TENM3: variants seen among roughly 807,000 people sequenced by gnomAD.
TENM3 encodes teneurin-3.
A neutral mutation model predicts 255.1 loss-of-function variants in TENM3; 63 were observed. The ratio of observed to expected loss-of-function variants is 0.25; its 90% CI spans 0.20 to 0.30. The LOEUF (loss-of-function observed/expected upper bound fraction) is 0.30, where lower values mean the gene tolerates loss of function less well. TENM3 is among the 10% of genes least tolerant of loss of function. The pLI is 1.00. For missense variants in TENM3, 2,929 were observed against 3,461.1 expected (o/e 0.85, Z 3.86); for synonymous variants, 1,306 against 1,322.3 (o/e 0.99, Z 0.27).
At chr4:182,299,029 T>C (rs1252761314) in intron 1 of TENM3, among the ~76,000 whole-genome samples, 1 of 85,830 alleles carries the variant, frequency 1.2e-5, no homozygotes, top group Middle Eastern at 7.5e-3. Context: ...GGTAATGGAC[T>C]GGCCACTGCA....
At chr4:181,454,546 G>A in the TENM3 span, among the ~76,000 whole-genome samples, 2 of 148,076 alleles carry the variant, frequency 1.4e-5, no homozygotes. Flanking sequence ...CCACAGCAAC[G>A]TCCAGTACTG....
intron 3 of TENM3, among the ~76,000 whole-genome samples, chr4:182,521,533 G>C (rs1291952016): frequency 6.6e-6 from 1 of 152,164 alleles, no homozygotes; most frequent in Non-Finnish European, 1.5e-5. Context: ...TCTCCAGCAG[G>C]GAGATAAATG....
At chr4:181,854,471 A>G in the TENM3 span, among the ~76,000 whole-genome samples, 1 of 152,046 alleles carries the variant, frequency 6.6e-6, no homozygotes, top group Non-Finnish European at 1.5e-5. Flanking sequence ...CTTTCCCTAG[A>G]CACAGAGTTT....
chr4:181,949,271 G>T, the TENM3 span, among the ~76,000 whole-genome samples: 7 of 152,208 alleles, frequency 4.6e-5, 1 homozygote, highest in African/African-American at 1.7e-4. Flanking sequence ...AGACAGTAGA[G>T]GTACTCTGTC....
the TENM3 span, chr4:181,821,675 C>T: frequency 3.3e-5 from 5 of 152,220 alleles, no homozygotes; most frequent in South Asian, 2.1e-4. Context: ...TTATAGAAAA[C>T]GGCAATGAGA....
At chr4:182,753,070 C>T (rs1386357875) in intron 20 of TENM3, among the ~76,000 whole-genome samples, 1 of 151,806 alleles carries the variant, frequency 6.6e-6, no homozygotes, top group Non-Finnish European at 1.5e-5. Flanking sequence ...CCTCAGCCTC[C>T]CGAATAGCTG....
At chr4:181,811,125 G>A in the TENM3 span, among the ~76,000 whole-genome samples, 5 of 152,154 alleles carry the variant, frequency 3.3e-5, no homozygotes, top group Middle Eastern at 3.2e-3. Context: ...CAAGCCAAGT[G>A]TCCTTCCTAT....
At chr4:182,413,850 A>C (rs758459174) in intron 3 of TENM3, among the ~76,000 whole-genome samples, 1 of 152,186 alleles carries the variant, frequency 6.6e-6, no homozygotes, top group Non-Finnish European at 1.5e-5. Flanking sequence ...GTGCAGATCC[A>C]AGACAGTTCC....
At chr4:182,664,374 ATG>A in intron 6 of TENM3, among the ~76,000 whole-genome samples, 1 of 152,204 alleles carries the variant, frequency 6.6e-6, no homozygotes, top group African/African-American at 2.4e-5. Context: ...AACTTAATAA[ATG>A]TGTGTGTTCT....
intron 3 of TENM3, among the ~76,000 whole-genome samples, chr4:182,404,412 A>C (rs1047199897): frequency 6.6e-6 from 1 of 152,250 alleles, no homozygotes; most frequent in Non-Finnish European, 1.5e-5. Context: ...TTTTTAATAG[A>C]AGCCAAACTA....
chr4:182,388,946 T>C (rs954620402), intron 3 of TENM3, among the ~76,000 whole-genome samples: 2 of 152,176 alleles, frequency 1.3e-5, no homozygotes, highest in African/African-American at 4.8e-5. Flanking sequence ...TAGACCTTCC[T>C]TTGCACTGCC....
At chr4:181,455,113 A>G in the TENM3 span, among the ~76,000 whole-genome samples, 2 of 152,096 alleles carry the variant, frequency 1.3e-5, no homozygotes, top group African/African-American at 4.8e-5. Flanking sequence ...TAATATTTTA[A>G]TTTAAGATGG....
chr4:181,781,024 G>A, the TENM3 span, among the ~76,000 whole-genome samples: 1 of 152,156 alleles, frequency 6.6e-6, no homozygotes, highest in Non-Finnish European at 1.5e-5. Context: ...GGTTACTGTA[G>A]CCTTGTAGTG....
chr4:181,450,211 C>G, the TENM3 span, among the ~76,000 whole-genome samples: 4 of 152,076 alleles, frequency 2.6e-5, no homozygotes, highest in Admixed American at 2.6e-4. Flanking sequence ...TTCGCCGTAG[C>G]AACATTTATA....
the TENM3 span, among the ~76,000 whole-genome samples, chr4:182,112,901 G>A: frequency 3.9e-5 from 6 of 152,170 alleles, no homozygotes; most frequent in Admixed American, 3.3e-4. Flanking sequence ...TTAAGGAACA[G>A]CTAGGAGGCC....
the TENM3 span, among the ~76,000 whole-genome samples, chr4:182,110,717 G>A: frequency 6.6e-6 from 1 of 152,116 alleles, no homozygotes; most frequent in African/African-American, 2.4e-5. Flanking sequence ...CATAACAAAG[G>A]TCTTCCCATA....
the TENM3 span, among the ~76,000 whole-genome samples, chr4:181,642,671 T>C: frequency 6.6e-6 from 1 of 152,150 alleles, no homozygotes; most frequent in Non-Finnish European, 1.5e-5. Flanking sequence ...AGTTAATCCA[T>C]TTTGAGTTAA....
intron 24 of TENM3, among the ~76,000 whole-genome samples, chr4:182,779,508 G>A (rs980771729): frequency 6.6e-6 from 1 of 152,092 alleles, no homozygotes; most frequent in Non-Finnish European, 1.5e-5. Context: ...GAATAGTGCT[G>A]CAATAAACAT....
the TENM3 span, among the ~76,000 whole-genome samples, chr4:181,809,380 G>T: frequency 9.1e-3 from 1,391 of 152,218 alleles, 18 homozygotes; most frequent in African/African-American, 0.031. Context: ...AGTATATTTT[G>T]AATTTTTTAG....
Sources: gnomAD v4.1 joint callset for allele counts (sites outside exome capture counted in the v4.1 genomes callset) on GRCh38, gnomAD v4.1.1 for gene constraint, MANE v1.5 for transcripts, NCBI Gene and HGNC (gene_info 2026-07-23, HGNC 2026-07-21) for gene names.